Variants in NT5C2 observed in about 807,000 individuals in gnomAD.
The protein encoded by NT5C2 is cytosolic purine 5'-nucleotidase.
Under a neutral mutation model 76.1 loss-of-function variants are expected in NT5C2, and 58 were observed. The ratio of observed to expected loss-of-function variants is 0.76; its 90% confidence interval spans 0.62 to 0.95. The LOEUF is 0.95. NT5C2 is among the 40% of genes least tolerant of loss of function. NT5C2 has a pLI of 0.00. For synonymous variants in NT5C2, 229 were observed against 237.4 expected (o/e 0.96, Z 0.32); for missense variants, 478 against 690.3 (o/e 0.69, Z 3.45).
At chr10:103,089,935 G>A (rs1258852846) in intron 18 of NT5C2, 27 bp from the exon 19 acceptor site, 2 of 1,555,996 alleles carry the variant, frequency 1.3e-6, no homozygotes, top group Admixed American at 1.9e-5. Flanking sequence ...TAGAGGCTCA[G>A]AAAGCAGGCA....
intron 3 of NT5C2, among the ~76,000 whole-genome samples, chr10:103,163,844 G>A (rs1304436839): frequency 3.1e-5 from 4 of 127,586 alleles, no homozygotes; most frequent in East Asian, 2.4e-4. Context: ...TAGTGAAACC[G>A]TCTCTACTAA....
At chr10:103,140,106 C>G (rs575100517) in intron 3 of NT5C2, 1 of 152,312 alleles carries the variant, frequency 6.6e-6, no homozygotes, top group East Asian at 1.9e-4. Flanking sequence ...TTTGTAGAGA[C>G]AGAGGCTCAC....
chr10:103,136,523 T>C (rs1270692500), intron 4 of NT5C2, among the ~76,000 whole-genome samples: 2 of 152,210 alleles, frequency 1.3e-5, no homozygotes, highest in South Asian at 2.1e-4. Context: ...AGTATGTTTG[T>C]GTGTAGACTA....
At chr10:103,183,148 T>A (rs1362219465) in intron 1 of NT5C2, among the ~76,000 whole-genome samples, 1 of 151,628 alleles carries the variant, frequency 6.6e-6, no homozygotes, top group East Asian at 1.9e-4. Context: ...GTGTCACCTA[T>A]AACTCAAAGA....
At position 103,098,833 on chromosome 10, in the gene NT5C2, CTT is replaced by C. The variant is rs2068838700; in HGVS notation, c.687+96_687+97del. 20 of 859,682 alleles carry C rather than the reference CTT, an allele frequency of 2.3e-5. No individual in the cohort carries two copies. In the South Asian group the frequency reaches 3.0e-4, roughly 13 times the overall value. The allele number at this position is 859,682 out of a possible 1,614,324, so 53.3% of individuals were successfully genotyped here. A position where few individuals can be genotyped will look rare whatever the true frequency, so the allele number is the denominator to read the frequency against. On this transcript the variant is annotated intron_variant, in intron 10 of 18. Transcript: ENST00000404739. ...ACACATACTATGCCAAGACAAATCT[CTT>C]CTTTTGTCCATTTCATTATAAATCA...
At chr10:103,168,930 T>C (rs1184734681) in intron 3 of NT5C2, among the ~76,000 whole-genome samples, 2 of 152,254 alleles carry the variant, frequency 1.3e-5, no homozygotes, top group African/African-American at 2.4e-5. Context: ...TAAATGTCTT[T>C]AATGAAAAGA....
intron 3 of NT5C2, among the ~76,000 whole-genome samples, chr10:103,145,192 AGAT>A (rs2133390667): frequency 6.6e-6 from 1 of 152,332 alleles, no homozygotes; most frequent in Admixed American, 6.5e-5. Context: ...CAGTTTACAA[AGAT>A]AATAAACACC....
intron 4 of NT5C2, among the ~76,000 whole-genome samples, chr10:103,129,691 C>T (rs867057585): frequency 3.2e-3 from 227 of 71,766 alleles, no homozygotes; most frequent in South Asian, 5.6e-3. Context: ...TCTGCCCGGC[C>T]GCCCCTACTG....
chr10:103,122,592 C>G (rs2075877800), intron 4 of NT5C2, among the ~76,000 whole-genome samples: 1 of 152,108 alleles, frequency 6.6e-6, no homozygotes, highest in Admixed American at 6.5e-5. Context: ...AATATGATAC[C>G]TGGGCATTTG....
At chr10:103,150,278 A>G (rs530460702) in intron 3 of NT5C2, among the ~76,000 whole-genome samples, 114 of 152,332 alleles carry the variant, frequency 7.5e-4, no homozygotes, top group Non-Finnish European at 1.2e-3. Context: ...TAGTTTTCAT[A>G]TAAATGGAAT....
chr10:103,102,374 C>A (rs188740696), intron 6 of NT5C2, among the ~76,000 whole-genome samples: 18 of 152,180 alleles, frequency 1.2e-4, no homozygotes, highest in African/African-American at 4.1e-4. Context: ...ATGAAGCACT[C>A]GGCCAACAGC....
chr10:103,117,648 AAAC>A (rs367919393), intron 4 of NT5C2, among the ~76,000 whole-genome samples: 17,686 of 152,218 alleles, frequency 0.12, 1,210 homozygotes, highest in Non-Finnish European at 0.15. Flanking sequence ...ACCTGTCTCA[AAAC>A]AACAACAACA....
At chr10:103,193,207 C>CGCCCGCCCACGGG (rs2092784910) in intron 1 of NT5C2, 29 bp downstream of exon 1, 1 of 152,386 alleles carries the variant, frequency 6.6e-6, no homozygotes, top group African/African-American at 2.4e-5. Context: ...GCTCCTTCCC[C>CGCCCGCCCACGGG]GCCCGCCCAC....
chr10:103,103,334 T>C (rs2070311789), intron 6 of NT5C2, among the ~76,000 whole-genome samples: 1 of 152,210 alleles, frequency 6.6e-6, no homozygotes, highest in Non-Finnish European at 1.5e-5. Context: ...TCTTATCTTC[T>C]AGCTTTCCAA....
chr10:103,180,826 T>C (rs137972470), intron 2 of NT5C2, among the ~76,000 whole-genome samples: 1 of 152,320 alleles, frequency 6.6e-6, no homozygotes, highest in East Asian at 1.9e-4. Context: ...AAAAAAATTA[T>C]GGTACATCTG....
chr10:103,153,777 T>C, intron 3 of NT5C2: 1 of 978,894 alleles, frequency 1.0e-6, no homozygotes, highest in Non-Finnish European at 1.2e-6. Flanking sequence ...GATAAATAAT[T>C]TTATGTTTTA....
At chr10:103,111,675 G>C (rs1057056345) in intron 4 of NT5C2, 1 of 1,062,326 alleles carries the variant, frequency 9.4e-7, no homozygotes, top group African/African-American at 1.6e-5. Context: ...TATAGATTTA[G>C]AAAAATAAAG....
intron 2 of NT5C2, among the ~76,000 whole-genome samples, chr10:103,176,917 A>T (rs905225582): frequency 2.0e-5 from 3 of 152,108 alleles, no homozygotes; most frequent in African/African-American, 7.2e-5. Flanking sequence ...GGGTTGGGGT[A>T]GGTCTGTAAT....
At chr10:103,108,616 T>G (rs1055799957) in intron 4 of NT5C2, among the ~76,000 whole-genome samples, 1 of 152,260 alleles carries the variant, frequency 6.6e-6, no homozygotes, top group African/African-American at 2.4e-5. Context: ...CTTGTACCTT[T>G]AAAACTTACA....
Sources: allele counts gnomAD v4.1 joint callset (sites outside exome capture counted in the v4.1 genomes callset), GRCh38; gene constraint gnomAD v4.1.1; transcripts MANE v1.5; gene names NCBI Gene and HGNC (gene_info 2026-07-23, HGNC 2026-07-21).